The following HIVEP3 variants were observed in gnomAD, a reference collection of about 807,000 sequenced individuals.
The protein encoded by HIVEP3 is transcription factor HIVEP3.
Under a neutral mutation model 152.8 loss-of-function variants are expected in HIVEP3, and 49 were observed. The ratio of observed to expected loss-of-function variants is 0.32; its 90% CI spans 0.26 to 0.41. The LOEUF is 0.41. HIVEP3 is among the 10% of genes least tolerant of loss of function. HIVEP3 has a pLI of 1.00. For synonymous variants in HIVEP3, 1,269 were observed against 1,289.0 expected (o/e 0.98, Z 0.33); for missense variants, 2,790 against 3,103.3 (o/e 0.90, Z 2.40).
Position 41,752,780 on chromosome 1 carries a change from CT to C in HIVEP3, c.-800-51786del, listed in dbSNP as rs975896843. Among the ~76,000 whole-genome samples the C allele has an allele frequency of 3.7e-4, 56 of 152,348 alleles. 1 individual carries two copies. Among genetic ancestry groups the C allele is most frequent in the African/African-American group, 1.3e-3 (54 of 41,576 alleles). On this transcript the variant is annotated intron_variant, in intron 1 of 8. Transcript: ENST00000372583. ...TTAGAAGACAGCAAAACCTTGAACTCTGACCTCTCTGGGTTCTATTCAAAGC... is the reference window on the plus strand; with the variant it reads ...TTAGAAGACAGCAAAACCTTGAACTCGACCTCTCTGGGTTCTATTCAAAGC...
chr1:41,863,091 C>T (rs111633689), intron 1 of HIVEP3, among the ~76,000 whole-genome samples: 1 of 152,210 alleles, frequency 6.6e-6, no homozygotes, highest in Non-Finnish European at 1.5e-5. Context: ...ATTTCACAGG[C>T]GTTCCTCCTC....
At chr1:41,801,668 C>G in intron 1 of HIVEP3, among the ~76,000 whole-genome samples, 1 of 151,852 alleles carries the variant, frequency 6.6e-6, no homozygotes, top group East Asian at 1.9e-4. Flanking sequence ...TGTGTGAACC[C>G]GGGAGGCGGA....
chr1:41,696,669 GAGACA>G (rs1646281802), intron 2 of HIVEP3, among the ~76,000 whole-genome samples: 1 of 152,172 alleles, frequency 6.6e-6, no homozygotes, highest in Non-Finnish European at 1.5e-5. Context: ...CCCAAGCACA[GAGACA>G]GACGGCCCTG....
chr1:41,548,222 T>C (rs1338423228), intron 5 of HIVEP3, among the ~76,000 whole-genome samples: 2 of 152,174 alleles, frequency 1.3e-5, no homozygotes, highest in African/African-American at 2.4e-5. Flanking sequence ...GTGTTGAGCA[T>C]TGACATGTCC....
chr1:41,535,017 G>A (rs1024745496), intron 5 of HIVEP3, among the ~76,000 whole-genome samples: 9 of 152,038 alleles, frequency 5.9e-5, no homozygotes, highest in African/African-American at 1.9e-4. Context: ...TCACATGGCG[G>A]GCATCACTCG....
chr1:41,889,861 A>G (rs1164143836), intron 1 of HIVEP3, among the ~76,000 whole-genome samples: 1 of 152,170 alleles, frequency 6.6e-6, no homozygotes, highest in Non-Finnish European at 1.5e-5. Flanking sequence ...CCTCACAAGA[A>G]CCCTGCTCCC....
chr1:41,923,649 C>T (rs1448280248), upstream of HIVEP3, among the ~76,000 whole-genome samples: 4 of 152,082 alleles, frequency 2.6e-5, no homozygotes, highest in Admixed American at 6.5e-5. Flanking sequence ...AGATTTTAAA[C>T]GTTCTCACCA....
chr1:41,985,810 T>C (rs565807686), intron 1 of HIVEP3, among the ~76,000 whole-genome samples: 1 of 152,344 alleles, frequency 6.6e-6, no homozygotes, highest in African/African-American at 2.4e-5. Flanking sequence ...CCTTGTCAGA[T>C]GCTTGTCCAT....
chr1:42,015,548 T>A (rs2124532112), intron 1 of HIVEP3, among the ~76,000 whole-genome samples: 1 of 152,314 alleles, frequency 6.6e-6, no homozygotes, highest in African/African-American at 2.4e-5. Flanking sequence ...GCTCTCCTCC[T>A]CTCTTCTCAC....
At chr1:42,032,534 C>T (rs1435802371) in intron 1 of HIVEP3, among the ~76,000 whole-genome samples, 3 of 152,178 alleles carry the variant, frequency 2.0e-5, no homozygotes, top group African/African-American at 4.8e-5. Context: ...GCATTAGCCA[C>T]GGTCTACGAT....
intron 1 of HIVEP3, among the ~76,000 whole-genome samples, chr1:41,834,256 G>A (rs183257272): frequency 4.6e-5 from 7 of 152,242 alleles, no homozygotes; most frequent in Admixed American, 4.6e-4. Flanking sequence ...AGAGACCACG[G>A]ACATCTTCAT....
chr1:41,978,162 G>C (rs1645271679), intron 1 of HIVEP3, among the ~76,000 whole-genome samples: 1 of 152,102 alleles, frequency 6.6e-6, no homozygotes, highest in African/African-American at 2.4e-5. Flanking sequence ...TTACTTGGCT[G>C]GTGCCTCAGC....
chr1:41,826,651 T>C (rs998570672), intron 1 of HIVEP3, among the ~76,000 whole-genome samples: 1 of 152,200 alleles, frequency 6.6e-6, no homozygotes, highest in African/African-American at 2.4e-5. Flanking sequence ...CTTTTGGCAT[T>C]TGAAGCAAGG....
intron 5 of HIVEP3, among the ~76,000 whole-genome samples, chr1:41,547,189 C>A (rs368552258): frequency 1.6e-4 from 25 of 152,150 alleles, no homozygotes; most frequent in African/African-American, 4.8e-4. Flanking sequence ...CCCAGGCTTG[C>A]GGATTTAAAC....
intron 2 of HIVEP3, among the ~76,000 whole-genome samples, chr1:41,632,296 G>A (rs576901299): frequency 3.3e-5 from 5 of 152,218 alleles, no homozygotes; most frequent in South Asian, 2.1e-4. Context: ...GGGTAGAGCC[G>A]GGTTGTAGGT....
chr1:42,035,235 G>T (rs530541213), intron 1 of HIVEP3, among the ~76,000 whole-genome samples: 1 of 152,240 alleles, frequency 6.6e-6, no homozygotes, highest in Non-Finnish European at 1.5e-5. Context: ...GCTCGCTAAC[G>T]TAGAGACGGA....
At chr1:41,518,652 G>A (rs545190217) in intron 6 of HIVEP3, among the ~76,000 whole-genome samples, 164 bp from the exon 7 acceptor site, 5 of 152,324 alleles carry the variant, frequency 3.3e-5, no homozygotes, top group Admixed American at 1.3e-4. Flanking sequence ...CCTCTGCCCC[G>A]GTGCTCAGGC....
chr1:41,810,467 C>T (rs1259688047), intron 1 of HIVEP3, among the ~76,000 whole-genome samples: 1 of 152,178 alleles, frequency 6.6e-6, no homozygotes, highest in Non-Finnish European at 1.5e-5. Flanking sequence ...ATCTTAGGTC[C>T]CTTGCCCCCC....
At chr1:41,512,541 A>C (rs1642457376) in intron 8 of HIVEP3, among the ~76,000 whole-genome samples, 1 of 152,222 alleles carries the variant, frequency 6.6e-6, no homozygotes, top group African/African-American at 2.4e-5. Context: ...CAATACAAGA[A>C]CGGACTAATA....
Sources: gnomAD v4.1 joint callset for allele counts (sites outside exome capture counted in the v4.1 genomes callset) on GRCh38, gnomAD v4.1.1 for gene constraint, MANE v1.5 for transcripts, NCBI Gene and HGNC (gene_info 2026-07-23, HGNC 2026-07-21) for gene names.